The following PPP2R2A variants were observed in gnomAD, a reference collection of about 807,000 sequenced individuals.
PPP2R2A encodes the protein serine/threonine-protein phosphatase 2A 55 kDa regulatory subunit B alpha isoform.
In PPP2R2A, 9 loss-of-function variants were observed where a neutral mutation model predicts 53.2. The observed-to-expected ratio is 0.17, with a 90% CI of 0.10 to 0.30. The LOEUF is 0.30. Among genes scored for constraint, PPP2R2A ranks in the 10% least tolerant of loss-of-function variants. The probability of loss-of-function intolerance (pLI) is 1.00; values close to 1 mark genes in which losing one functional copy is unlikely to be tolerated. For synonymous variants in PPP2R2A, 169 were observed against 174.2 expected, an observed-to-expected ratio of 0.97 and a Z score of 0.23; for missense variants, 235 against 534.6, an observed-to-expected ratio of 0.44 and a Z score of 5.53.
At chr8:26,319,137 G>T (rs369802529) in intron 2 of PPP2R2A, among the ~76,000 whole-genome samples, 2 of 152,088 alleles carry the variant, frequency 1.3e-5, no homozygotes, top group Non-Finnish European at 2.9e-5. Context: ...CTGTTATAGC[G>T]TATGTCAGAA....
At chr8:26,292,706 T>A (rs1239567838) in intron 1 of PPP2R2A, among the ~76,000 whole-genome samples, 2 of 152,180 alleles carry the variant, frequency 1.3e-5, no homozygotes, top group East Asian at 3.8e-4. Flanking sequence ...CTTTGAGAAT[T>A]CTTTTTGTAC....
At chr8:26,332,084 A>G (rs1439208272) in intron 2 of PPP2R2A, among the ~76,000 whole-genome samples, 3 of 152,156 alleles carry the variant, frequency 2.0e-5, no homozygotes, top group Non-Finnish European at 2.9e-5. Context: ...GGCCAGACGC[A>G]GTGGCTCACG....
At chr8:26,295,040 C>CA (rs1176476486) in intron 2 of PPP2R2A, among the ~76,000 whole-genome samples, 16 of 152,168 alleles carry the variant, frequency 1.1e-4, no homozygotes, top group African/African-American at 3.6e-4. Flanking sequence ...GTGTATTACT[C>CA]ATGTTGTAAC....
At chr8:26,331,804 T>C (rs1425926112) in intron 2 of PPP2R2A, among the ~76,000 whole-genome samples, 1 of 152,218 alleles carries the variant, frequency 6.6e-6, no homozygotes, top group East Asian at 1.9e-4. Context: ...TTTCACAAAC[T>C]TCATGATTAT....
At chr8:26,351,270 G>A (rs2117370059) in intron 3 of PPP2R2A, among the ~76,000 whole-genome samples, 1 of 151,716 alleles carries the variant, frequency 6.6e-6, no homozygotes, top group East Asian at 1.9e-4. Flanking sequence ...CAGATTAATG[G>A]GGAGTTGAGT....
intron 2 of PPP2R2A, among the ~76,000 whole-genome samples, chr8:26,294,284 G>C (rs182437446): frequency 8.7e-4 from 132 of 152,246 alleles, no homozygotes; most frequent in African/African-American, 2.6e-3. Flanking sequence ...TGGTATTTAG[G>C]TGGATAAGAC....
At chr8:26,312,329 G>C (rs1213764313) in intron 2 of PPP2R2A, among the ~76,000 whole-genome samples, 2 of 152,176 alleles carry the variant, frequency 1.3e-5, no homozygotes, top group Non-Finnish European at 2.9e-5. Flanking sequence ...TTAAAATACA[G>C]ATGATGATGG....
chr8:26,355,864 G>A (rs922088735), intron 4 of PPP2R2A, among the ~76,000 whole-genome samples: 6 of 80,628 alleles, frequency 7.4e-5, no homozygotes, highest in Admixed American at 1.1e-4. Context: ...AGCGAGACTC[G>A]TCTCAAAAAA....
intron 3 of PPP2R2A, among the ~76,000 whole-genome samples, chr8:26,349,858 T>C (rs1804406566): frequency 6.6e-6 from 1 of 152,214 alleles, no homozygotes; most frequent in Non-Finnish European, 1.5e-5. Flanking sequence ...TGTTTTTTGC[T>C]GTACAATCAT....
chr8:26,369,406 T>C (rs972523977), intron 9 of PPP2R2A, among the ~76,000 whole-genome samples: 5 of 151,330 alleles, frequency 3.3e-5, no homozygotes, highest in African/African-American at 7.3e-5. Context: ...TTTTTTTTTT[T>C]CCGAGACGGA....
intron 4 of PPP2R2A, among the ~76,000 whole-genome samples, chr8:26,358,620 C>T (rs1490955250): frequency 6.6e-6 from 1 of 152,198 alleles, no homozygotes; most frequent in African/African-American, 2.4e-5. Context: ...TCACTGGCAT[C>T]TCTCTGAGTT....
chr8:26,298,126 A>G (rs1018717416), intron 2 of PPP2R2A, among the ~76,000 whole-genome samples: 1 of 152,264 alleles, frequency 6.6e-6, no homozygotes, highest in Admixed American at 6.5e-5. Flanking sequence ...CTTGTGGGCT[A>G]TCTTGACTGG....
intron 2 of PPP2R2A, among the ~76,000 whole-genome samples, chr8:26,302,644 C>G (rs1320736114): frequency 6.6e-6 from 1 of 152,206 alleles, no homozygotes; most frequent in African/African-American, 2.4e-5. Flanking sequence ...AAATATTCCT[C>G]CCTTTCTAAC....
At chr8:26,337,282 T>C (rs1004509777) in intron 2 of PPP2R2A, among the ~76,000 whole-genome samples, 3 of 152,218 alleles carry the variant, frequency 2.0e-5, no homozygotes, top group Non-Finnish European at 2.9e-5. Flanking sequence ...TTATCAATGC[T>C]GTAGGGAAAA....
intron 2 of PPP2R2A, among the ~76,000 whole-genome samples, chr8:26,299,886 C>T (rs1354904260): frequency 1.3e-5 from 2 of 151,996 alleles, no homozygotes; most frequent in Admixed American, 6.6e-5. Context: ...AGCTGTATTC[C>T]GAAACCTAAT....
chr8:26,355,040 C>T (rs969570176), intron 4 of PPP2R2A, among the ~76,000 whole-genome samples: 1 of 152,176 alleles, frequency 6.6e-6, no homozygotes, highest in Non-Finnish European at 1.5e-5. Context: ...ATCATGAGTG[C>T]AAGTGCTCAA....
chr8:26,346,461 A>T lies in PPP2R2A; in HGVS notation c.180+7474A>T, dbSNP rs565936176. ...CAGCTGGTTATTACATTATTTATTG[A>T]AATTTTTTCACATGGATTTAAAATG... On this transcript the variant is annotated intron_variant, in intron 3 of 9. Transcript: ENST00000380737. 7.2e-5 allele frequency among the ~76,000 whole-genome samples: 11 copies of T among 152,202 alleles called. 1 individual carries two copies. The South Asian group carries it at 2.3e-3, about 32-fold the overall frequency.
intron 2 of PPP2R2A, among the ~76,000 whole-genome samples, chr8:26,320,679 G>T (rs1802791971): frequency 6.6e-6 from 1 of 152,108 alleles, no homozygotes; most frequent in Non-Finnish European, 1.5e-5. Flanking sequence ...TAGGTATATT[G>T]TTAGTGTTGC....
rs766259915 is a variant in PPP2R2A at position 26,366,168 on chromosome 8, C to G, written c.973-147C>G. On this transcript the variant is annotated intron_variant, in intron 8 of 9. Transcript: ENST00000380737. ...GTGTGTTTTGTAAAAGGACAAAATG[C>G]CTTTATTGTTACTGAGAAGATTGAG... is the stretch of plus-strand genomic sequence containing the variant. The G allele has an allele frequency of 1.1e-5, 7 of 630,640 alleles. No individual in the cohort carries two copies. In the East Asian group the frequency reaches 1.8e-4, roughly 16 times the overall value. 39.1% of individuals were successfully genotyped at this position (630,640 alleles called of 1,614,324 possible).
Sources: gnomAD v4.1 joint callset for allele counts (sites outside exome capture counted in the v4.1 genomes callset) on GRCh38, gnomAD v4.1.1 for gene constraint, MANE v1.5 for transcripts, NCBI Gene and HGNC (gene_info 2026-07-23, HGNC 2026-07-21) for gene names.